Variants in PCDH15 observed in about 807,000 individuals in gnomAD.
The protein encoded by PCDH15 is protocadherin-15.
PCDH15 carries 129 observed loss-of-function variants against 178.5 expected under a neutral mutation model. That is an observed-to-expected ratio of 0.72 (90% CI 0.63 to 0.84). PCDH15 has a LOEUF of 0.84. Among genes scored for constraint, PCDH15 ranks in the 40% least tolerant of loss-of-function variants. The probability of loss-of-function intolerance (pLI) is 0.00; values close to 1 mark genes in which losing one functional copy is unlikely to be tolerated. For synonymous variants in PCDH15, 800 were observed against 732.0 expected (o/e 1.09, Z -1.50); for missense variants, 2,230 against 2,099.9 (o/e 1.06, Z -1.21).
chr10:54,190,536 G>A (rs148387786), intron 11 of PCDH15, among the ~76,000 whole-genome samples: 13 of 152,226 alleles, frequency 8.5e-5, no homozygotes, highest in African/African-American at 2.9e-4. Flanking sequence ...TTCAATTAGT[G>A]AGACTACAAG....
chr10:55,530,916 T>C (rs1841437998), intron 2 of PCDH15, among the ~76,000 whole-genome samples: 1 of 152,044 alleles, frequency 6.6e-6, no homozygotes, highest in African/African-American at 2.4e-5. Flanking sequence ...TTTTCAACTA[T>C]ACATTCAGTG....
intron 3 of PCDH15, among the ~76,000 whole-genome samples, chr10:54,400,362 C>T (rs1445381556): frequency 2.0e-5 from 3 of 151,958 alleles, no homozygotes; most frequent in East Asian, 1.9e-4. Context: ...TTCTTTACCC[C>T]CAGAAAATAA....
At chr10:54,389,278 G>T (rs1435962669) in intron 3 of PCDH15, among the ~76,000 whole-genome samples, 1 of 152,104 alleles carries the variant, frequency 6.6e-6, no homozygotes, top group Non-Finnish European at 1.5e-5. Flanking sequence ...ATAGATAAAG[G>T]CTGGTTTATC....
chr10:54,867,713 C>A (rs544491472), intron 3 of PCDH15, among the ~76,000 whole-genome samples: 2 of 152,036 alleles, frequency 1.3e-5, no homozygotes, highest in Admixed American at 6.6e-5. Context: ...TCTTTCTACT[C>A]CTTCTTGACC....
chr10:53,924,354 C>A (rs546073932), intron 25 of PCDH15, among the ~76,000 whole-genome samples: 21 of 152,312 alleles, frequency 1.4e-4, no homozygotes, highest in Admixed American at 7.2e-4. Context: ...GCACCGGGTC[C>A]CCCAGCAGTG....
chr10:54,185,049 T>C (rs995327860), intron 12 of PCDH15, 85 bp downstream of exon 12: 3 of 1,518,682 alleles, frequency 2.0e-6, no homozygotes, highest in African/African-American at 1.4e-5. Flanking sequence ...TTTTCAGTTT[T>C]AACCAGACAT....
At chr10:54,035,009 G>T (rs1285001303) in intron 18 of PCDH15, among the ~76,000 whole-genome samples, 1 of 151,786 alleles carries the variant, frequency 6.6e-6, no homozygotes, top group Non-Finnish European at 1.5e-5. Flanking sequence ...ACTTCATTTG[G>T]ATGCCATTCC....
intron 31 of PCDH15, 78 bp from the exon 32 acceptor site, chr10:53,827,626 G>A (rs1421694310): frequency 1.3e-6 from 2 of 1,539,748 alleles, no homozygotes; most frequent in Non-Finnish European, 1.8e-6. Flanking sequence ...TTTTAATAAT[G>A]GGGTCCAGTT....
At chr10:54,422,964 C>T (rs1955737288) in intron 3 of PCDH15, among the ~76,000 whole-genome samples, 1 of 152,056 alleles carries the variant, frequency 6.6e-6, no homozygotes, top group Non-Finnish European at 1.5e-5. Context: ...GAACATAAAT[C>T]TCATTTGCCT....
At chr10:55,528,965 C>T (rs190532146) in intron 2 of PCDH15, among the ~76,000 whole-genome samples, 82 of 152,222 alleles carry the variant, frequency 5.4e-4, no homozygotes, top group African/African-American at 1.9e-3. Flanking sequence ...ATTTGCATTT[C>T]TCTGATGGCT....
intron 2 of PCDH15, among the ~76,000 whole-genome samples, chr10:55,605,557 T>G (rs1054143849): frequency 5.3e-5 from 8 of 150,694 alleles, no homozygotes; most frequent in Non-Finnish European, 1.2e-4. Context: ...CATGATCAAG[T>G]GGGCTTCATC....
chr10:54,034,308 A>T (rs1317102638), intron 18 of PCDH15, among the ~76,000 whole-genome samples: 1 of 151,926 alleles, frequency 6.6e-6, no homozygotes, highest in Non-Finnish European at 1.5e-5. Context: ...TATTTTACAC[A>T]CATTGTCACA....
chr10:54,863,416 C>T (rs1349562505), intron 3 of PCDH15, among the ~76,000 whole-genome samples: 1 of 151,980 alleles, frequency 6.6e-6, no homozygotes, highest in African/African-American at 2.4e-5. Context: ...GTGGCGGGTC[C>T]CTGTAGTCCC....
At chr10:54,808,171 C>A (rs915274656) in intron 3 of PCDH15, among the ~76,000 whole-genome samples, 11 of 152,100 alleles carry the variant, frequency 7.2e-5, no homozygotes, top group Admixed American at 1.3e-4. Flanking sequence ...ATACTGGTTT[C>A]TCTTTAACTC....
At chr10:55,350,985 CCTCCTCCCCCTGT>C (rs1279450526) in intron 2 of PCDH15, among the ~76,000 whole-genome samples, 3 of 132,994 alleles carry the variant, frequency 2.3e-5, no homozygotes, top group African/African-American at 3.1e-5. Context: ...TCTTCCTCTT[CCTCCTCCCCCTGT>C]CTCCTCCCCC....
intron 2 of PCDH15, among the ~76,000 whole-genome samples, chr10:55,466,230 C>G (rs1839828798): frequency 6.6e-6 from 1 of 152,000 alleles, no homozygotes. Context: ...AACTGAAAAT[C>G]AAAGTATACT....
chr10:54,432,827 T>G (rs187265102), intron 3 of PCDH15, among the ~76,000 whole-genome samples: 1 of 151,920 alleles, frequency 6.6e-6, no homozygotes, highest in African/African-American at 2.4e-5. Context: ...AAACTAACCA[T>G]CTGACAAAGT....
intron 3 of PCDH15, among the ~76,000 whole-genome samples, chr10:54,421,687 T>TAG: frequency 8.2e-6 from 1 of 121,582 alleles, no homozygotes; most frequent in Non-Finnish European, 1.6e-5. Flanking sequence ...TATATATATA[T>TAG]ATATATACAC....
rs556612935 is a variant in PCDH15, at chr10:55,391,676, C to T, written c.-155-225025G>A. On this transcript the variant is annotated intron_variant, in intron 2 of 5. Transcript: ENST00000613346. ...TAATTTTTTGTATATTTAGTAGAGA[C>T]AAGGTTTCAACATGTTGGCCAGGCT... Among the ~76,000 whole-genome samples the T allele has an allele frequency of 1.6e-4, 25 of 152,114 alleles. No homozygotes were observed. The East Asian group carries it at 4.1e-3, about 25-fold the overall frequency.
Sources: gnomAD v4.1 joint callset for allele counts (sites outside exome capture counted in the v4.1 genomes callset) on GRCh38, gnomAD v4.1.1 for gene constraint, MANE v1.5 for transcripts, NCBI Gene and HGNC (gene_info 2026-07-23, HGNC 2026-07-21) for gene names.